PDE10A: variants seen among roughly 807,000 people sequenced by gnomAD.
PDE10A encodes the protein cAMP and cAMP-inhibited cGMP 3',5'-cyclic phosphodiesterase 10A.
PDE10A carries 39 observed loss-of-function variants against 97.7 expected under a neutral mutation model. That is an observed-to-expected ratio of 0.40 (90% CI 0.31 to 0.52). The LOEUF is 0.52. Ranked by LOEUF, PDE10A falls within the 20% of genes least tolerant of loss-of-function variation. The probability of loss-of-function intolerance (pLI) is 0.56; values close to 1 mark genes in which losing one functional copy is unlikely to be tolerated. For missense variants in PDE10A, 731 were observed against 1,047.8 expected (o/e 0.70, Z 4.17); for synonymous variants, 371 against 376.8 (o/e 0.98, Z 0.18).
chr6:165,555,173 G>A (rs1321482445), intron 1 of PDE10A, among the ~76,000 whole-genome samples: 1 of 152,100 alleles, frequency 6.6e-6, no homozygotes, highest in Non-Finnish European at 1.5e-5. Context: ...AATGTAATTG[G>A]AGTGTTTGTA....
chr6:165,798,803 G>T (rs2128465065), intron 1 of PDE10A, among the ~76,000 whole-genome samples: 1 of 152,186 alleles, frequency 6.6e-6, no homozygotes, highest in Admixed American at 6.5e-5. Context: ...AACATCCCAG[G>T]TTCAGGCGAT....
Position 165,413,693 on chromosome 6 carries a change from G to C in PDE10A, c.1890-6C>G. On this transcript the variant is annotated splice_polypyrimidine_tract_variant and splice_region_variant and intron_variant, in intron 12 of 21. Coordinates refer to ENST00000539869, the MANE Select transcript of PDE10A (RefSeq NM_001385079.1). ...CTGTGTACAAGTCTACTTCTCTGTG[G>C]GGTGACAGAACCAAAAATAACAACA... 6.2e-7 allele frequency: 1 copy of C among 1,604,382 alleles called. No individual in the cohort carries two copies. The highest frequency in any genetic ancestry group is 8.5e-7 in the Non-Finnish European group (1 of 1,173,938).
chr6:165,431,395 C>A (rs1230283296), intron 8 of PDE10A, 27 bp downstream of exon 8: 3 of 1,556,094 alleles, frequency 1.9e-6, no homozygotes, highest in South Asian at 2.3e-5. Context: ...CTTAGGAAGC[C>A]CCTGCAAAAA....
intron 1 of PDE10A, among the ~76,000 whole-genome samples, chr6:165,579,123 A>T (rs1364100706): frequency 6.6e-6 from 1 of 152,190 alleles, no homozygotes; most frequent in Non-Finnish European, 1.5e-5. Flanking sequence ...CATGTGGAAG[A>T]AGTGAAGGAT....
At chr6:165,381,497 CAG>C (rs1340958292) in intron 17 of PDE10A, among the ~76,000 whole-genome samples, 2 of 152,094 alleles carry the variant, frequency 1.3e-5, no homozygotes, top group Non-Finnish European at 2.9e-5. Flanking sequence ...TTCTTTGAGA[CAG>C]AGTCTCGCTC....
intron 1 of PDE10A, among the ~76,000 whole-genome samples, chr6:165,962,956 A>C (rs917304494): frequency 2.6e-5 from 4 of 152,234 alleles, no homozygotes; most frequent in Non-Finnish European, 5.9e-5. Context: ...TGAAGCAAGC[A>C]TGCATACGTG....
At position 165,488,029 on chromosome 6, in the gene PDE10A, CAAAAAAAAAAA is replaced by C. The variant is rs58319021; in HGVS notation, c.995-5697_995-5687del. Among the ~76,000 whole-genome samples, 699 of 83,394 alleles carry C rather than the reference CAAAAAAAAAAA, an allele frequency of 8.4e-3. 7 individuals are homozygous for C. The highest frequency in any genetic ancestry group is 0.025 in the African/African-American group (633 of 25,720). 54.7% of individuals were successfully genotyped at this position (83,394 alleles called of 152,430 possible). A position where few individuals can be genotyped will look rare whatever the true frequency, so the allele number is the denominator to read the frequency against. On this transcript the variant is annotated intron_variant, in intron 2 of 21. Transcript: ENST00000539869. ...GAGGCACTGATGAGGAACAAATTGG[CAAAAAAAAAAA>C]AAAAAAAAAAAAAAGTTCCAGAGGA...
chr6:165,470,374 T>C (rs1437322712), intron 3 of PDE10A, among the ~76,000 whole-genome samples: 1 of 152,246 alleles, frequency 6.6e-6, no homozygotes. Context: ...CACATTATAA[T>C]ATTATGCCTT....
intron 1 of PDE10A, among the ~76,000 whole-genome samples, chr6:165,592,248 T>C (rs951585697): frequency 5.9e-5 from 9 of 152,088 alleles, no homozygotes; most frequent in Admixed American, 5.9e-4. Context: ...GAAAACTGGC[T>C]AGCCATATGC....
chr6:165,482,724 C>T (rs1350663061), intron 2 of PDE10A, among the ~76,000 whole-genome samples: 2 of 152,150 alleles, frequency 1.3e-5, no homozygotes, highest in African/African-American at 2.4e-5. Flanking sequence ...CTTTAACACT[C>T]GTGCTTCGAA....
rs1349165554 is a variant in PDE10A at position 165,918,341 on chromosome 6, G to A, written c.-615+69188C>T. Among the ~76,000 whole-genome samples the A allele has an allele frequency of 2.0e-5, 3 of 152,042 alleles. No individual in the cohort carries two copies. The South Asian group carries it at 6.2e-4, about 32-fold the overall frequency. On this transcript the variant is annotated intron_variant, in intron 1 of 19. Coordinates refer to the PDE10A transcript ENST00000366882. ...TATGGGTAATGTAAATATAATACACGTTTTCAGACTTTAAAGAAAGTTAAC... is the reference window on the plus strand; with the variant it reads ...TATGGGTAATGTAAATATAATACACATTTTCAGACTTTAAAGAAAGTTAAC...
At chr6:165,640,996 G>A (rs1029467131) in intron 1 of PDE10A, among the ~76,000 whole-genome samples, 1 of 152,164 alleles carries the variant, frequency 6.6e-6, no homozygotes, top group Non-Finnish European at 1.5e-5. Context: ...TTAAATCGGT[G>A]ACCTCAGCAC....
At chr6:165,382,258 C>G (rs1375384638) in intron 17 of PDE10A, among the ~76,000 whole-genome samples, 1 of 152,176 alleles carries the variant, frequency 6.6e-6, no homozygotes, top group African/African-American at 2.4e-5. Flanking sequence ...ATTCTCAACA[C>G]TCCTTCCAGC....
chr6:165,399,480 G>A (rs748124600), intron 13 of PDE10A, among the ~76,000 whole-genome samples: 8 of 152,066 alleles, frequency 5.3e-5, no homozygotes, highest in Non-Finnish European at 7.4e-5. Context: ...TGTGCACAAC[G>A]TGCAGGTTTG....
intron 18 of PDE10A, among the ~76,000 whole-genome samples, chr6:165,356,204 A>G (rs1783013405): frequency 6.6e-6 from 1 of 152,108 alleles, no homozygotes; most frequent in South Asian, 2.1e-4. Context: ...ACAATCCGAG[A>G]TGAGATTTAG....
At chr6:165,702,520 G>A (rs1353576811) in intron 1 of PDE10A, among the ~76,000 whole-genome samples, 1 of 152,234 alleles carries the variant, frequency 6.6e-6, no homozygotes, top group Non-Finnish European at 1.5e-5. Flanking sequence ...GCCCCACAAA[G>A]AAGAAGGAAC....
chr6:165,365,035 G>A (rs1358977772), intron 18 of PDE10A, among the ~76,000 whole-genome samples: 1 of 151,802 alleles, frequency 6.6e-6, no homozygotes, highest in Admixed American at 6.6e-5. Flanking sequence ...CAAAAGTATA[G>A]TGAAAGCATA....
intron 1 of PDE10A, among the ~76,000 whole-genome samples, chr6:165,895,673 C>G (rs188815992): frequency 2.3e-4 from 35 of 152,320 alleles, no homozygotes; most frequent in Non-Finnish European, 4.6e-4. Flanking sequence ...CTTGCCAAGC[C>G]TGCACGTGCC....
intron 1 of PDE10A, among the ~76,000 whole-genome samples, chr6:165,848,372 T>C (rs1780481364): frequency 1.3e-5 from 2 of 152,106 alleles, no homozygotes; most frequent in African/African-American, 4.8e-5. Context: ...GGAGTGCCTG[T>C]GCGTGCAGAG....
Sources: allele counts gnomAD v4.1 joint callset (sites outside exome capture counted in the v4.1 genomes callset), GRCh38; gene constraint gnomAD v4.1.1; transcripts MANE v1.5; gene names NCBI Gene and HGNC (gene_info 2026-07-23, HGNC 2026-07-21).